The following RESF1 variants were observed in gnomAD, a reference collection of about 807,000 sequenced individuals.
The protein encoded by RESF1 is gonad expressed transcript.
A neutral mutation model predicts 134.7 loss-of-function variants in RESF1; 65 were observed. The ratio of observed to expected loss-of-function variants is 0.48; its 90% CI spans 0.40 to 0.59. RESF1 has a LOEUF of 0.59. RESF1 is among the 20% of genes least tolerant of loss of function. The pLI is 0.00. For synonymous variants in RESF1, 762 were observed against 702.2 expected, an observed-to-expected ratio of 1.09 and a Z score of -1.35; for missense variants, 2,274 against 2,002.7, an observed-to-expected ratio of 1.14 and a Z score of -2.59.
intron 2 of RESF1, among the ~76,000 whole-genome samples, chr12:31,969,014 C>G (rs1448938151): frequency 6.6e-6 from 1 of 152,190 alleles, no homozygotes; most frequent in Non-Finnish European, 1.5e-5. Flanking sequence ...TACCATAGTC[C>G]ACTGCACTCT....
chr12:31,972,661 A>T (rs540574013), intron 3 of RESF1, among the ~76,000 whole-genome samples: 2 of 150,952 alleles, frequency 1.3e-5, no homozygotes, highest in Non-Finnish European at 2.9e-5. Flanking sequence ...CCCTAAACTG[A>T]TGAGATCTGA....
chr12:31,974,999 G>T (rs945399223), intron 3 of RESF1, among the ~76,000 whole-genome samples: 1 of 151,574 alleles, frequency 6.6e-6, no homozygotes, highest in African/African-American at 2.4e-5. Context: ...TTGAGGTCAG[G>T]CATGGTGGTT....
chr12:31,978,621 T>C (rs1446827958), intron 3 of RESF1, among the ~76,000 whole-genome samples: 8 of 151,384 alleles, frequency 5.3e-5, no homozygotes, highest in African/African-American at 1.9e-4. Context: ...TCTCAGCTCA[T>C]TGCAACCTCC....
intron 5 of RESF1, among the ~76,000 whole-genome samples, chr12:31,989,396 C>CAAAAAA (rs34529486): frequency 8.1e-5 from 8 of 98,176 alleles, no homozygotes; most frequent in Middle Eastern, 5.6e-3. Flanking sequence ...AGTCTTGTCT[C>CAAAAAA]AAAAAAAAAA....
chr12:31,989,280 CAG>C (rs1940044608), intron 5 of RESF1, among the ~76,000 whole-genome samples: 1 of 150,770 alleles, frequency 6.6e-6, no homozygotes, highest in African/African-American at 2.4e-5. Flanking sequence ...CCTGTAGTCC[CAG>C]CTACTCGGGA....
intron 3 of RESF1, among the ~76,000 whole-genome samples, chr12:31,972,641 C>CA (rs2120800960): frequency 6.7e-6 from 1 of 149,802 alleles, no homozygotes; most frequent in East Asian, 2.0e-4. Context: ...GGCAGTCTTG[C>CA]AGGACTGAGC....
intron 3 of RESF1, among the ~76,000 whole-genome samples, chr12:31,977,176 A>G (rs1939655365): frequency 6.6e-6 from 1 of 152,080 alleles, no homozygotes; most frequent in Admixed American, 6.6e-5. Context: ...CCGAGGGCAT[A>G]AAGATATTCT....
chr12:31,980,601 C>T (rs958074646), intron 3 of RESF1, among the ~76,000 whole-genome samples: 2 of 151,952 alleles, frequency 1.3e-5, no homozygotes, highest in South Asian at 2.1e-4. Flanking sequence ...AGAAGAAAGT[C>T]TGTTAAAAAT....
chr12:31,986,278 G>GA (rs1565488704), intron 4 of RESF1, among the ~76,000 whole-genome samples: 3 of 152,308 alleles, frequency 2.0e-5, no homozygotes, highest in East Asian at 1.9e-4. Context: ...GGGAATGTCA[G>GA]AAAAGTGTCA....
In RESF1 at chr12:31,985,786, A is replaced by G. The variant is rs139797700; in HGVS notation, c.4831A>G (p.Lys1611Glu). 5.8e-4 allele frequency: 902 copies of G among 1,567,626 alleles called. 1 individual carries two copies. The highest frequency in any genetic ancestry group is 3.4e-3 in the Middle Eastern group (20 of 5,830). The change falls in exon 4 of 6, where the codon AAG (lysine) becomes GAG (glutamate). Residue 1611 changes from lysine (K) to glutamate (E), a missense_variant. Coordinates refer to ENST00000312561, the MANE Select transcript of RESF1 (RefSeq NM_018169.4). ...ESSPRKLHKD[K>E]RQENKHKTFL... Reference sequence around the variant, plus strand: ...TTCACCCAGGAAGCTTCATAAAGATAAGAGACAGGAAAATAAACATAAGAC... The same window carrying G: ...TTCACCCAGGAAGCTTCATAAAGATGAGAGACAGGAAAATAAACATAAGAC...
At chr12:31,969,666 T>C (rs1939466569) in intron 2 of RESF1, among the ~76,000 whole-genome samples, 1 of 152,176 alleles carries the variant, frequency 6.6e-6, no homozygotes, top group South Asian at 2.1e-4. Flanking sequence ...TGAGACGGAG[T>C]CTTGCTCTGT....
chr12:31,984,421 C>G lies in RESF1; in HGVS notation c.3466C>G (p.Gln1156Glu). 1 of 1,614,130 alleles carries G rather than the reference C, an allele frequency of 6.2e-7. No individual in the cohort carries two copies. Among genetic ancestry groups the G allele is most frequent in the Non-Finnish European group, 8.5e-7 (1 of 1,180,006 alleles). The change falls in exon 4 of 6, where the codon CAA becomes GAA. Residue 1156 changes from glutamine (Q) to glutamate (E), a missense_variant. Transcript: ENST00000312561. ...QCDLQAPAAG[Q>E]SRDSVILDSE... ...TGACCTGCAGGCACCTGCAGCTGGA[C>G]AAAGTCGTGATTCTGTGATACTGGA... is the stretch of plus-strand genomic sequence containing the variant.
chr12:31,981,219 T>G lies in RESF1; in HGVS notation c.264T>G (p.Thr88=), dbSNP rs762213098. 1.2e-6 allele frequency: 2 copies of G among 1,614,114 alleles called. No homozygotes were observed. Among genetic ancestry groups the G allele is most frequent in the Non-Finnish European group, 1.7e-6 (2 of 1,180,018 alleles). Residue 88 remains threonine, a synonymous_variant, in exon 4 of 6, where the codon ACT becomes ACG. Coordinates refer to ENST00000312561, the MANE Select transcript of RESF1 (RefSeq NM_018169.4). The part of the protein sequence containing the change: ...MHNGTVVASH[T]SVERITYANV... ...ATGGGACAGTTGTGGCCTCACACAC[T>G]TCAGTAGAAAGAATAACATATGCAA...
At chr12:31,964,002 GT>G (rs1464383017) in intron 2 of RESF1, among the ~76,000 whole-genome samples, 3 of 152,182 alleles carry the variant, frequency 2.0e-5, no homozygotes, top group African/African-American at 7.2e-5. Flanking sequence ...CATTCATAGT[GT>G]TTATGTAGAC....
At position 31,985,634 on chromosome 12, in the gene RESF1, A is replaced by G; in HGVS notation, c.4679A>G (p.Asn1560Ser). 6.2e-7 allele frequency: 1 copy of G among 1,611,884 alleles called. No homozygotes were observed. Among genetic ancestry groups the G allele is most frequent in the South Asian group, 1.1e-5 (1 of 90,244 alleles). ...IDKTKLDKLT[N>S]ISNEAQFSQM... is the part of the protein sequence containing the mutation. Reference sequence around the variant, plus strand: ...AAGACTAAATTAGACAAATTAACCAATATAAGCAACGAAGCTCAATTCAGC... The same window carrying G: ...AAGACTAAATTAGACAAATTAACCAGTATAAGCAACGAAGCTCAATTCAGC... The change falls in exon 4 of 6, where the codon AAT becomes AGT. Residue 1560 changes from asparagine to serine, a missense_variant. Coordinates refer to ENST00000312561, the MANE Select transcript of RESF1 (RefSeq NM_018169.4).
chr12:31,966,575 C>A (rs1939400948), intron 2 of RESF1, among the ~76,000 whole-genome samples: 1 of 152,190 alleles, frequency 6.6e-6, no homozygotes, highest in Non-Finnish European at 1.5e-5. Flanking sequence ...TCATGCTGTA[C>A]CTGTGTTAAC....
chr12:31,965,722 C>G (rs916454738), intron 2 of RESF1, among the ~76,000 whole-genome samples: 1 of 152,076 alleles, frequency 6.6e-6, no homozygotes, highest in African/African-American at 2.4e-5. Flanking sequence ...GAAAAGCCAT[C>G]TCTACTAAAA....
intron 2 of RESF1, among the ~76,000 whole-genome samples, chr12:31,965,691 G>A (rs972992282): frequency 6.6e-5 from 10 of 152,098 alleles, no homozygotes; most frequent in African/African-American, 1.9e-4. Context: ...ATGAAGAAGC[G>A]ATACTTCTGG....
At position 31,984,489 on chromosome 12, in the gene RESF1, C is replaced by G. The variant is rs781595714; in HGVS notation, c.3534C>G (p.Leu1178=). 2.5e-6 allele frequency: 4 copies of G among 1,610,648 alleles called. No homozygotes were observed. Among genetic ancestry groups the G allele is most frequent in the Non-Finnish European group, 3.4e-6 (4 of 1,177,488 alleles). ...TCCACTGCTGTGCATTGGGCTGGCT[C>G]TCCATGGTTTACGAAGGAGTACCCC... ...DDIHCCALGW[L]SMVYEGVPQC... is the part of the protein sequence containing the mutation. Residue 1178 remains leucine, a synonymous_variant, in exon 4 of 6, where the codon CTC becomes CTG. Transcript: ENST00000312561.
Sources: allele counts gnomAD v4.1 joint callset (sites outside exome capture counted in the v4.1 genomes callset), GRCh38; gene constraint gnomAD v4.1.1; transcripts MANE v1.5; gene names NCBI Gene and HGNC (gene_info 2026-07-23, HGNC 2026-07-21).